The following CADM2 variants were observed in gnomAD, a reference collection of about 807,000 sequenced individuals.
The protein encoded by CADM2 is immunoglobulin superfamily member 4D.
In CADM2, 12 loss-of-function variants were observed where a neutral mutation model predicts 49.8. That is an observed-to-expected ratio of 0.24 (90% confidence interval 0.15 to 0.39). The LOEUF (loss-of-function observed/expected upper bound fraction) is 0.39, where lower values mean the gene tolerates loss of function less well. CADM2 is among the 10% of genes least tolerant of loss of function. The pLI is 1.00. For synonymous variants in CADM2, 214 were observed against 175.4 expected (o/e 1.22, Z -1.74); for missense variants, 378 against 492.3 (o/e 0.77, Z 2.20).
chr3:85,282,527 C>T (rs1255341566), intron 1 of CADM2, among the ~76,000 whole-genome samples: 1 of 151,380 alleles, frequency 6.6e-6, no homozygotes, highest in Admixed American at 6.6e-5. Context: ...CCGCCTCGGC[C>T]TCCCAAAGTG....
At chr3:85,267,770 A>G (rs945437679) in intron 1 of CADM2, among the ~76,000 whole-genome samples, 12 of 151,604 alleles carry the variant, frequency 7.9e-5, no homozygotes, top group African/African-American at 2.9e-4. Flanking sequence ...TAGTGATAAC[A>G]ATAGCCAATT....
At chr3:85,870,499 C>T (rs960006851) in intron 3 of CADM2, among the ~76,000 whole-genome samples, 3 of 152,042 alleles carry the variant, frequency 2.0e-5, no homozygotes, top group Middle Eastern at 3.2e-3. Context: ...TGAGAAAATG[C>T]TGTATTTTGT....
chr3:85,654,349 G>A (rs529285342), intron 1 of CADM2, among the ~76,000 whole-genome samples: 63 of 152,204 alleles, frequency 4.1e-4, no homozygotes, highest in African/African-American at 1.4e-3. Context: ...AGAGGGGATG[G>A]GAACTAGTGC....
At chr3:85,831,357 T>G (rs959985556) in intron 3 of CADM2, among the ~76,000 whole-genome samples, 1 of 152,032 alleles carries the variant, frequency 6.6e-6, no homozygotes, top group Admixed American at 6.6e-5. Flanking sequence ...AGTAATGGGA[T>G]TGCTGGATAG....
intron 6 of CADM2, among the ~76,000 whole-genome samples, chr3:85,933,785 C>G (rs1436528149): frequency 6.6e-6 from 1 of 152,060 alleles, no homozygotes; most frequent in Non-Finnish European, 1.5e-5. Context: ...GGTTTCCATT[C>G]TATTCTAAAG....
At chr3:85,482,729 A>G (rs888216674) in intron 1 of CADM2, among the ~76,000 whole-genome samples, 3 of 151,718 alleles carry the variant, frequency 2.0e-5, no homozygotes, top group Non-Finnish European at 4.4e-5. Flanking sequence ...ATTTTAAACT[A>G]GAGAGTACAT....
intron 1 of CADM2, among the ~76,000 whole-genome samples, chr3:85,593,328 C>T (rs73843682): frequency 0.011 from 1,702 of 152,030 alleles, 35 homozygotes; most frequent in African/African-American, 0.039. Flanking sequence ...TAGGCACTAA[C>T]GTTAAAGAAA....
intron 8 of CADM2, among the ~76,000 whole-genome samples, chr3:86,006,652 T>C (rs1386668391): frequency 6.6e-6 from 1 of 152,182 alleles, no homozygotes; most frequent in Non-Finnish European, 1.5e-5. Context: ...GGAACTACTT[T>C]GACCTCCTTA....
intron 1 of CADM2, among the ~76,000 whole-genome samples, chr3:85,548,990 T>C (rs577753819): frequency 6.6e-6 from 1 of 152,326 alleles, no homozygotes; most frequent in South Asian, 2.1e-4. Flanking sequence ...ATGTGTTTGT[T>C]ATAGTGCTAC....
At chr3:85,039,634 T>C (rs183319475) in intron 1 of CADM2, among the ~76,000 whole-genome samples, 9 of 152,360 alleles carry the variant, frequency 5.9e-5, no homozygotes, top group Admixed American at 4.6e-4. Context: ...ATTTTCTTTT[T>C]AGTCCCATGT....
chr3:85,216,368 T>G (rs2041926932), intron 1 of CADM2, among the ~76,000 whole-genome samples: 1 of 147,524 alleles, frequency 6.8e-6, no homozygotes. Context: ...AGTAATATAT[T>G]TAATATTAAT....
chr3:85,639,974 G>A (rs2064657761), intron 1 of CADM2, among the ~76,000 whole-genome samples: 1 of 152,174 alleles, frequency 6.6e-6, no homozygotes, highest in Non-Finnish European at 1.5e-5. Flanking sequence ...TGACATCCAA[G>A]TTATCAGTTT....
chr3:85,199,370 T>TGTGTGTGAGAGAGAGA (rs1553694531), intron 1 of CADM2, among the ~76,000 whole-genome samples: 1 of 140,106 alleles, frequency 7.1e-6, no homozygotes, highest in African/African-American at 2.8e-5. Context: ...TGTGTGTGTA[T>TGTGTGTGAGAGAGAGA]GAGAGAGAGA....
intron 3 of CADM2, among the ~76,000 whole-genome samples, chr3:85,813,751 G>C (rs2073032800): frequency 6.6e-6 from 1 of 151,928 alleles, no homozygotes; most frequent in African/African-American, 2.4e-5. Context: ...TCAGTTTTCT[G>C]TATATGGCTA....
rs2030227959 is a variant in CADM2, at chr3:84,959,488, G to A, written c.-120G>A. 1 of 965,422 alleles carries A rather than the reference G, an allele frequency of 1.0e-6. No homozygotes were observed. The highest frequency in any genetic ancestry group is 1.6e-5 in the African/African-American group (1 of 61,126). The allele number at this position is 965,422 out of a possible 1,614,324, so 59.8% of individuals were successfully genotyped here. ...GCGGGTTCGAACACCGCAGCGGTGG[G>A]GACGGTGGGTCCGGCGGGCGCCGGG... On this transcript the variant is annotated 5_prime_UTR_variant, in exon 1 of 10. Transcript: ENST00000383699.
chr3:85,512,179 C>A (rs1047237166), intron 1 of CADM2, among the ~76,000 whole-genome samples: 1 of 151,926 alleles, frequency 6.6e-6, no homozygotes, highest in African/African-American at 2.4e-5. Context: ...CTCTGGTAGT[C>A]CCCCATTGTC....
intron 1 of CADM2, among the ~76,000 whole-genome samples, chr3:85,636,788 G>C (rs1025904434): frequency 2.6e-5 from 4 of 152,056 alleles, no homozygotes; most frequent in Admixed American, 1.3e-4. Flanking sequence ...TATTATGATT[G>C]CCTACAGTCT....
At chr3:85,579,017 G>T (rs1203960460) in intron 1 of CADM2, among the ~76,000 whole-genome samples, 2 of 152,138 alleles carry the variant, frequency 1.3e-5, no homozygotes, top group Non-Finnish European at 2.9e-5. Flanking sequence ...GCTGCTAAAA[G>T]TTTGAAGCTA....
intron 5 of CADM2, among the ~76,000 whole-genome samples, chr3:85,888,719 A>C (rs1714016237): frequency 6.6e-6 from 1 of 152,098 alleles, no homozygotes; most frequent in Non-Finnish European, 1.5e-5. Context: ...TATTTTTGTA[A>C]GTGTATATGT....
Sources: allele counts gnomAD v4.1 joint callset (sites outside exome capture counted in the v4.1 genomes callset), GRCh38; gene constraint gnomAD v4.1.1; transcripts MANE v1.5; gene names NCBI Gene and HGNC (gene_info 2026-07-23, HGNC 2026-07-21).